Variants in CNTNAP5 observed in about 807,000 individuals in gnomAD.
CNTNAP5 encodes contactin associated protein family member 5.
Under a neutral mutation model 150.2 loss-of-function variants are expected in CNTNAP5, and 72 were observed. The ratio of observed to expected loss-of-function variants is 0.48; its 90% confidence interval spans 0.40 to 0.58. The LOEUF (loss-of-function observed/expected upper bound fraction) is 0.58. Ranked by LOEUF, CNTNAP5 falls within the 20% of genes least tolerant of loss-of-function variation. The pLI is 0.00. For synonymous variants in CNTNAP5, 672 were observed against 619.8 expected (o/e 1.08, Z -1.25); for missense variants, 1,636 against 1,626.2 (o/e 1.01, Z -0.10).
chr2:124,394,371 C>CA lies in CNTNAP5; in HGVS notation c.382-23055dup, dbSNP rs70996062. Among the ~76,000 whole-genome samples, 238 of 106,234 alleles carry CA rather than the reference C, an allele frequency of 2.2e-3. 4 individuals carry two copies. The South Asian group carries it at 0.051, about 23-fold the overall frequency. The allele number at this position is 106,234 out of a possible 152,430, so 69.7% of individuals were successfully genotyped here. ...TGGGTGACAGAGTGAGACTCTGTCT[C>CA]AAAAAAAAAAAAAAAAAGAAAAGAA... On this transcript the variant is annotated intron_variant, in intron 3 of 23. Coordinates refer to ENST00000682447, the MANE Select transcript of CNTNAP5 (RefSeq NM_001367498.1).
intron 14 of CNTNAP5, among the ~76,000 whole-genome samples, chr2:124,756,519 C>T (rs570242754): frequency 6.6e-6 from 1 of 152,230 alleles, no homozygotes; most frequent in Admixed American, 6.5e-5. Flanking sequence ...CACCTAAGTG[C>T]CCATCAATGA....
chr2:124,103,936 A>C (rs1683116868), intron 1 of CNTNAP5, among the ~76,000 whole-genome samples: 1 of 147,606 alleles, frequency 6.8e-6, no homozygotes, highest in Non-Finnish European at 1.5e-5. Context: ...TATATTATAT[A>C]ATTTAAGCAT....
intron 1 of CNTNAP5, among the ~76,000 whole-genome samples, chr2:124,195,220 A>G (rs1685555221): frequency 6.6e-6 from 1 of 152,146 alleles, no homozygotes; most frequent in Non-Finnish European, 1.5e-5. Context: ...CAAGCTGGAG[A>G]GCCAGGTGGC....
chr2:124,850,044 G>A (rs933677924), intron 19 of CNTNAP5, among the ~76,000 whole-genome samples: 13 of 152,050 alleles, frequency 8.5e-5, no homozygotes, highest in African/African-American at 2.9e-4. Flanking sequence ...TGTCCCATAT[G>A]TAAAATTAGC....
chr2:124,766,941 A>T (rs1681081588), intron 16 of CNTNAP5, among the ~76,000 whole-genome samples: 1 of 152,186 alleles, frequency 6.6e-6, no homozygotes. Flanking sequence ...ATTTTATATA[A>T]AAACATTGAA....
chr2:124,480,549 C>A (rs1188311855), intron 7 of CNTNAP5, among the ~76,000 whole-genome samples: 1 of 152,174 alleles, frequency 6.6e-6, no homozygotes, highest in Non-Finnish European at 1.5e-5. Context: ...CACGTAGTGA[C>A]AGGCACCTTT....
intron 1 of CNTNAP5, among the ~76,000 whole-genome samples, chr2:124,112,547 T>C (rs1683322642): frequency 6.6e-6 from 1 of 152,176 alleles, no homozygotes; most frequent in Non-Finnish European, 1.5e-5. Context: ...TTGAGTTTAG[T>C]GTTTTATTTT....
At position 124,036,164 on chromosome 2, in the gene CNTNAP5, T is replaced by C. The variant is rs549599086; in HGVS notation, c.82+10432T>C. ...TGGTCTCGATCTCCTGACCTCATGATCCACCCGCCTCGGCCTCCCAAAGTG... is the reference window on the plus strand; with the variant it reads ...TGGTCTCGATCTCCTGACCTCATGACCCACCCGCCTCGGCCTCCCAAAGTG... On this transcript the variant is annotated intron_variant, in intron 1 of 23. Coordinates refer to ENST00000682447, the MANE Select transcript of CNTNAP5 (RefSeq NM_001367498.1). Among the ~76,000 whole-genome samples the C allele has an allele frequency of 1.4e-3, 217 of 151,798 alleles. 1 individual carries two copies. The highest frequency in any genetic ancestry group is 5.1e-3 in the African/African-American group (211 of 41,376).
chr2:124,343,255 T>G (rs1689661899), intron 3 of CNTNAP5, among the ~76,000 whole-genome samples: 1 of 152,218 alleles, frequency 6.6e-6, no homozygotes, highest in South Asian at 2.1e-4. Flanking sequence ...TCTTAAGACA[T>G]ATCAGAGATC....
intron 1 of CNTNAP5, among the ~76,000 whole-genome samples, chr2:124,207,026 T>A (rs1685882974): frequency 6.6e-6 from 1 of 152,246 alleles, no homozygotes; most frequent in South Asian, 2.1e-4. Flanking sequence ...ATGTTTAGTA[T>A]CAAATGGTAG....
intron 12 of CNTNAP5, among the ~76,000 whole-genome samples, chr2:124,615,072 T>C (rs1436926117): frequency 6.6e-6 from 1 of 152,116 alleles, no homozygotes; most frequent in Non-Finnish European, 1.5e-5. Context: ...CTTCAGTGAG[T>C]CTTAAGAGAC....
chr2:124,107,031 G>T (rs1281192881), intron 1 of CNTNAP5, among the ~76,000 whole-genome samples: 1 of 151,402 alleles, frequency 6.6e-6, no homozygotes, highest in Non-Finnish European at 1.5e-5. Flanking sequence ...GCACCAGTGT[G>T]GTGGACAAGT....
chr2:124,502,711 A>C (rs1433575860), intron 7 of CNTNAP5, among the ~76,000 whole-genome samples: 1 of 152,202 alleles, frequency 6.6e-6, no homozygotes, highest in Non-Finnish European at 1.5e-5. Context: ...TATTCTTGAA[A>C]GGGAATTTAC....
At chr2:124,249,242 A>G (rs150133135) in intron 3 of CNTNAP5, among the ~76,000 whole-genome samples, 4 of 152,260 alleles carry the variant, frequency 2.6e-5, no homozygotes, top group Non-Finnish European at 4.4e-5. Flanking sequence ...ACCCCAAAAT[A>G]TATTTCCTTG....
At chr2:124,771,168 TTCC>T (rs1681183523) in intron 16 of CNTNAP5, among the ~76,000 whole-genome samples, 1 of 152,160 alleles carries the variant, frequency 6.6e-6, no homozygotes, top group Non-Finnish European at 1.5e-5. Flanking sequence ...CTTTTGGCAT[TTCC>T]GATAATTTAA....
At chr2:124,273,408 A>C (rs1687804976) in intron 3 of CNTNAP5, among the ~76,000 whole-genome samples, 1 of 152,192 alleles carries the variant, frequency 6.6e-6, no homozygotes, top group South Asian at 2.1e-4. Flanking sequence ...CCCCTTATTG[A>C]GTATCTGCTC....
chr2:124,703,322 G>A (rs879595264), intron 13 of CNTNAP5, among the ~76,000 whole-genome samples: 1 of 150,166 alleles, frequency 6.7e-6, no homozygotes, highest in Admixed American at 6.6e-5. Flanking sequence ...AACAATATTT[G>A]CTATTTCTGG....
chr2:124,395,121 A>G (rs910217971), intron 3 of CNTNAP5, among the ~76,000 whole-genome samples: 15 of 152,240 alleles, frequency 9.9e-5, no homozygotes, highest in Admixed American at 7.9e-4. Context: ...GGGAATCTAT[A>G]TATAAATATA....
chr2:124,634,715 G>T (rs1216776250), intron 12 of CNTNAP5, among the ~76,000 whole-genome samples: 3 of 152,028 alleles, frequency 2.0e-5, no homozygotes, highest in African/African-American at 7.3e-5. Context: ...TGTTGCTCAG[G>T]CTGGTCTCAA....
Sources: gnomAD v4.1 joint callset for allele counts (sites outside exome capture counted in the v4.1 genomes callset) on GRCh38, gnomAD v4.1.1 for gene constraint, MANE v1.5 for transcripts, NCBI Gene and HGNC (gene_info 2026-07-23, HGNC 2026-07-21) for gene names.